PDK1: variants seen among roughly 807,000 people sequenced by gnomAD.
PDK1 encodes the protein pyruvate dehydrogenase kinase 1.
PDK1 carries 39 observed loss-of-function variants against 54.2 expected under a neutral mutation model. That is an observed-to-expected ratio of 0.72 (90% CI 0.56 to 0.94). PDK1 has a LOEUF of 0.94. Among genes scored for constraint, PDK1 ranks in the 40% least tolerant of loss-of-function variants. The probability of loss-of-function intolerance (pLI) is 0.00; values close to 1 mark genes in which losing one functional copy is unlikely to be tolerated. For synonymous variants in PDK1, 221 were observed against 207.1 expected (o/e 1.07, Z -0.58); for missense variants, 552 against 566.0 (o/e 0.98, Z 0.25).
chr2:172,592,080 T>C (rs1434104889), intron 9 of PDK1, among the ~76,000 whole-genome samples: 1 of 152,212 alleles, frequency 6.6e-6, no homozygotes, highest in African/African-American at 2.4e-5. Flanking sequence ...TTAGATCCCC[T>C]GTTAGGAAAC....
chr2:172,669,339 G>A, the PDK1 span, among the ~76,000 whole-genome samples: 2 of 152,162 alleles, frequency 1.3e-5, no homozygotes, highest in Non-Finnish European at 2.9e-5. Context: ...GAGCCACTGC[G>A]CCCGGCCACA....
intron 1 of PDK1, chr2:172,556,565 ATTG>A (rs1416289447): frequency 2.4e-6 from 1 of 409,088 alleles, no homozygotes; most frequent in African/African-American, 2.1e-5. Context: ...CTTTGACCGT[ATTG>A]TTGAAAACAA....
At chr2:172,573,245 C>A (rs991515804) in intron 8 of PDK1, among the ~76,000 whole-genome samples, 5 of 152,144 alleles carry the variant, frequency 3.3e-5, no homozygotes, top group Non-Finnish European at 5.9e-5. Context: ...TCGTCCTTGT[C>A]AACAATTGTA....
At chr2:172,643,798 T>C in the PDK1 span, among the ~76,000 whole-genome samples, 1 of 152,306 alleles carries the variant, frequency 6.6e-6, no homozygotes, top group East Asian at 1.9e-4. Context: ...GTTCAATAAT[T>C]CTAAATTCCA....
At chr2:172,610,024 G>A (rs188521911), downstream of PDK1, among the ~76,000 whole-genome samples, 3 of 152,220 alleles carry the variant, frequency 2.0e-5, no homozygotes, top group East Asian at 5.8e-4. Flanking sequence ...GTTTCACCAT[G>A]TTGGTCTGGC....
chr2:172,687,067 G>C, the PDK1 span, among the ~76,000 whole-genome samples: 130 of 152,078 alleles, frequency 8.5e-4, 3 homozygotes, highest in Non-Finnish European at 2.9e-4. Context: ...ATTTAAGCTT[G>C]TTTTGAAACA....
the PDK1 span, among the ~76,000 whole-genome samples, chr2:172,659,821 TAATC>T: frequency 6.6e-6 from 1 of 152,230 alleles, no homozygotes; most frequent in South Asian, 2.1e-4. Flanking sequence ...AATATATCTG[TAATC>T]AATCCCTTTG....
the PDK1 span, among the ~76,000 whole-genome samples, chr2:172,662,170 A>G: frequency 5.9e-5 from 9 of 152,262 alleles, no homozygotes; most frequent in East Asian, 1.7e-3. Flanking sequence ...CTTTTGCCTT[A>G]CTCATTAAAG....
the PDK1 span, among the ~76,000 whole-genome samples, chr2:172,623,691 A>G: frequency 2.6e-5 from 4 of 152,226 alleles, no homozygotes; most frequent in Admixed American, 6.5e-5. Flanking sequence ...CAGGAGACCC[A>G]TAAACCTCAG....
chr2:172,650,546 A>G, the PDK1 span, among the ~76,000 whole-genome samples: 2 of 152,232 alleles, frequency 1.3e-5, no homozygotes, highest in Non-Finnish European at 2.9e-5. Flanking sequence ...GGCAAATTGG[A>G]TAGTCAAAAT....
At chr2:172,626,753 A>C in the PDK1 span, among the ~76,000 whole-genome samples, 2 of 130,106 alleles carry the variant, frequency 1.5e-5, no homozygotes, top group African/African-American at 5.9e-5. Flanking sequence ...TGATCATGCC[A>C]CTGCACTTAA....
the PDK1 span, among the ~76,000 whole-genome samples, chr2:172,678,203 A>G: frequency 5.0e-3 from 765 of 152,226 alleles, 3 homozygotes; most frequent in Middle Eastern, 0.027. Flanking sequence ...AGAGGGCTCA[A>G]CCACAAAGGG....
At chr2:172,574,011 C>T (rs1242720068) in intron 8 of PDK1, among the ~76,000 whole-genome samples, 1 of 152,140 alleles carries the variant, frequency 6.6e-6, no homozygotes, top group Non-Finnish European at 1.5e-5. Flanking sequence ...CCATTGCCTA[C>T]TCCAAAGTCT....
Position 172,601,266 on chromosome 2 carries a change from G to T in PDK1, c.*5297G>T, listed in dbSNP as rs1166913376. Reference sequence around the variant, plus strand: ...GGATGAAATACACAAGAAAATGAGAGAATTTAAGAGGAGTAGCAAAACAGC... The same window carrying T: ...GGATGAAATACACAAGAAAATGAGATAATTTAAGAGGAGTAGCAAAACAGC... On this transcript the variant is annotated 3_prime_UTR_variant, in exon 11 of 11. Transcript: ENST00000282077. The T allele has an allele frequency of 5.3e-5, 8 of 152,102 alleles. No individual in the cohort carries two copies. The highest frequency in any genetic ancestry group is 1.0e-4 in the Non-Finnish European group (7 of 68,016). 9.4% of individuals were successfully genotyped at this position (152,102 alleles called of 1,614,324 possible). A position where few individuals can be genotyped will look rare whatever the true frequency, so the allele number is the denominator to read the frequency against.
At chr2:172,559,927 A>G (rs909986419) in intron 2 of PDK1, among the ~76,000 whole-genome samples, 11 of 151,198 alleles carry the variant, frequency 7.3e-5, no homozygotes, top group Middle Eastern at 6.9e-3. Context: ...GCTCACTGCA[A>G]CCTCCACCTC....
chr2:172,709,763 T>C, the PDK1 span, among the ~76,000 whole-genome samples: 4 of 152,294 alleles, frequency 2.6e-5, no homozygotes, highest in East Asian at 7.7e-4. Context: ...CGGATATGCA[T>C]CAATGATCAG....
chr2:172,704,132 G>GT, the PDK1 span, among the ~76,000 whole-genome samples: 1 of 152,086 alleles, frequency 6.6e-6, no homozygotes, highest in African/African-American at 2.4e-5. Context: ...GTAAAATAGG[G>GT]TTTAAGAGCA....
At chr2:172,696,080 C>T in the PDK1 span, among the ~76,000 whole-genome samples, 3 of 148,336 alleles carry the variant, frequency 2.0e-5, no homozygotes, top group Non-Finnish European at 3.0e-5. Flanking sequence ...GGCTGAGGCA[C>T]GAGAATTCCT....
At chr2:172,636,969 C>T in the PDK1 span, among the ~76,000 whole-genome samples, 3 of 152,140 alleles carry the variant, frequency 2.0e-5, no homozygotes, top group African/African-American at 4.8e-5. Context: ...AAAGGGTAAA[C>T]AGTAAGTCTC....
Sources: gnomAD v4.1 joint callset for allele counts (sites outside exome capture counted in the v4.1 genomes callset) on GRCh38, gnomAD v4.1.1 for gene constraint, MANE v1.5 for transcripts, NCBI Gene and HGNC (gene_info 2026-07-23, HGNC 2026-07-21) for gene names.